The following LINGO2 variants were observed in gnomAD, a reference collection of about 807,000 sequenced individuals.
LINGO2 encodes the protein leucine rich repeat and Ig domain containing 2, also known as leucine-rich repeat and immunoglobulin-like domain-containing nogo receptor-interacting protein 2.
In LINGO2, 14 loss-of-function variants were observed where a neutral mutation model predicts 30.6. The observed-to-expected ratio is 0.46, with a 90% CI of 0.30 to 0.72. The LOEUF is 0.72. Ranked by LOEUF, LINGO2 falls within the 30% of genes least tolerant of loss-of-function variation. LINGO2 has a pLI of 0.07. For missense variants in LINGO2, 729 were observed against 751.7 expected (o/e 0.97, Z 0.35); for synonymous variants, 317 against 288.5 (o/e 1.10, Z -1.00).
At chr9:28,101,888 A>G (rs946381726) in intron 4 of LINGO2, among the ~76,000 whole-genome samples, 1 of 152,108 alleles carries the variant, frequency 6.6e-6, no homozygotes, top group African/African-American at 2.4e-5. Flanking sequence ...AACCTTGATA[A>G]CTCACTTGTT....
intron 4 of LINGO2, among the ~76,000 whole-genome samples, chr9:28,017,220 C>A (rs1343122864): frequency 6.6e-6 from 1 of 152,110 alleles, no homozygotes; most frequent in Non-Finnish European, 1.5e-5. Context: ...TATGACAAAC[C>A]CACAGCCAAC....
rs567477694 is a variant in LINGO2 at position 28,048,548 on chromosome 9, T to G, written c.-86-36143A>C. On this transcript the variant is annotated intron_variant, in intron 4 of 5. Coordinates refer to ENST00000379992, the Ensembl canonical transcript of LINGO2. ...AGTAAGGAATCCATTTATTTATTTATAGTGATCTTATAAATTGGCATACCT... is the reference window on the plus strand; with the variant it reads ...AGTAAGGAATCCATTTATTTATTTAGAGTGATCTTATAAATTGGCATACCT... Among the ~76,000 whole-genome samples the G allele has an allele frequency of 6.0e-5, 9 of 150,888 alleles. 1 individual carries two copies. Among genetic ancestry groups the G allele is most frequent in the Non-Finnish European group, 1.3e-4 (9 of 67,872 alleles).
chr9:28,571,494 C>T (rs1437904048), intron 1 of LINGO2, among the ~76,000 whole-genome samples: 1 of 152,016 alleles, frequency 6.6e-6, no homozygotes, highest in Non-Finnish European at 1.5e-5. Context: ...CAGACATTCT[C>T]TCTAATTCAT....
At chr9:28,144,757 G>A (rs934408503) in intron 4 of LINGO2, among the ~76,000 whole-genome samples, 2 of 152,302 alleles carry the variant, frequency 1.3e-5, no homozygotes, top group South Asian at 4.1e-4. Context: ...GGAGTTTACT[G>A]TCTGGTTTGG....
chr9:28,455,643 T>C (rs1335887080), intron 2 of LINGO2, among the ~76,000 whole-genome samples: 3 of 152,146 alleles, frequency 2.0e-5, no homozygotes, highest in Non-Finnish European at 2.9e-5. Flanking sequence ...ATCTATGCTC[T>C]CGTGACAGTC....
chr9:28,982,546 T>A, the LINGO2 span, among the ~76,000 whole-genome samples: 1 of 151,980 alleles, frequency 6.6e-6, no homozygotes, highest in Admixed American at 6.6e-5. Flanking sequence ...ATTTCTATAT[T>A]TTCAAAATAA....
chr9:28,203,200 T>C (rs773251082), intron 4 of LINGO2, among the ~76,000 whole-genome samples: 1 of 152,212 alleles, frequency 6.6e-6, no homozygotes, highest in Non-Finnish European at 1.5e-5. Flanking sequence ...AATGTCACTA[T>C]AGTGTTTCAA....
chr9:28,375,668 G>C (rs1232316802), intron 2 of LINGO2, among the ~76,000 whole-genome samples: 2 of 152,166 alleles, frequency 1.3e-5, no homozygotes, highest in Non-Finnish European at 2.9e-5. Flanking sequence ...ACCATTCTTT[G>C]ATACTGCATC....
At chr9:27,942,993 T>G in the LINGO2 span, 6 of 152,208 alleles carry the variant, frequency 3.9e-5, no homozygotes, top group Admixed American at 1.3e-4. Flanking sequence ...AGTTTGTTCA[T>G]GCCAATTCCA....
chr9:28,851,943 C>A, the LINGO2 span, among the ~76,000 whole-genome samples: 11 of 151,790 alleles, frequency 7.2e-5, no homozygotes, highest in African/African-American at 2.4e-4. Flanking sequence ...CAAGAGGTGA[C>A]AATACTAGTC....
the LINGO2 span, among the ~76,000 whole-genome samples, chr9:28,725,758 A>T: frequency 1.3e-5 from 2 of 152,018 alleles, no homozygotes; most frequent in South Asian, 4.1e-4. Context: ...ACAAATAACA[A>T]AATTAAAAAC....
chr9:28,215,648 T>C (rs191886751), intron 4 of LINGO2, among the ~76,000 whole-genome samples: 7 of 150,194 alleles, frequency 4.7e-5, no homozygotes, highest in African/African-American at 1.4e-4. Flanking sequence ...GTTGTGCATG[T>C]GTCTTTGTGT....
At chr9:28,636,790 T>C (rs1827299565) in intron 1 of LINGO2, among the ~76,000 whole-genome samples, 1 of 152,208 alleles carries the variant, frequency 6.6e-6, no homozygotes, top group Non-Finnish European at 1.5e-5. Context: ...ACTCTGATGT[T>C]AGTTTCTTTT....
At chr9:28,394,931 G>T (rs567643745) in intron 2 of LINGO2, among the ~76,000 whole-genome samples, 2 of 152,270 alleles carry the variant, frequency 1.3e-5, no homozygotes, top group African/African-American at 4.8e-5. Flanking sequence ...TCATTACAAG[G>T]TAGAAAAGAT....
chr9:28,148,504 C>T lies in LINGO2; in HGVS notation c.-86-136099G>A. On this transcript the variant is annotated intron_variant, in intron 4 of 5. Coordinates refer to ENST00000379992, the Ensembl canonical transcript of LINGO2. The surrounding 1 kb of genome is among the most constrained non-coding windows in gnomAD (Gnocchi z 5.1). ...AGGTAGAGACCCAGGGGCAGGAGGA[C>T]AATAAAAGGGGCCCCTGTAGCAATG... 1 of 1,461,820 alleles carries T rather than the reference C, an allele frequency of 6.8e-7. No individual in the cohort carries two copies. The highest frequency in any genetic ancestry group is 9.3e-7 in the Non-Finnish European group (1 of 1,080,726). 90.6% of individuals were successfully genotyped at this position (1,461,820 alleles called of 1,614,324 possible). A position where few individuals can be genotyped will look rare whatever the true frequency, so the allele number is the denominator to read the frequency against.
At chr9:28,014,510 T>C (rs1038546144) in intron 4 of LINGO2, among the ~76,000 whole-genome samples, 1 of 152,174 alleles carries the variant, frequency 6.6e-6, no homozygotes, top group Non-Finnish European at 1.5e-5. Flanking sequence ...ATATGAGAAA[T>C]GATAAGCAAC....
At chr9:28,139,049 C>A (rs1827601192) in intron 4 of LINGO2, among the ~76,000 whole-genome samples, 1 of 152,198 alleles carries the variant, frequency 6.6e-6, no homozygotes, top group Non-Finnish European at 1.5e-5. Flanking sequence ...TTCAGTCATG[C>A]CTGAAGCTAT....
At chr9:28,972,025 C>T in the LINGO2 span, among the ~76,000 whole-genome samples, 98,854 of 152,146 alleles carry the variant, frequency 0.65, 32,782 homozygotes, top group Non-Finnish European at 0.72. Flanking sequence ...AGAACTCTCC[C>T]GAATCTTTTG....
intron 4 of LINGO2, among the ~76,000 whole-genome samples, chr9:28,241,733 T>A (rs1307118448): frequency 6.6e-6 from 1 of 152,092 alleles, no homozygotes; most frequent in Non-Finnish European, 1.5e-5. Flanking sequence ...TGTCATCAGG[T>A]CAGTACTCCT....
Sources: gnomAD v4.1 joint callset for allele counts (sites outside exome capture counted in the v4.1 genomes callset) on GRCh38, gnomAD v4.1.1 for gene constraint, Gnocchi (gnomAD v3.1) non-coding constraint, MANE v1.5 for transcripts, NCBI Gene and HGNC (gene_info 2026-07-23, HGNC 2026-07-21) for gene names.